The following ARID5B variants were observed in gnomAD, a reference collection of about 807,000 sequenced individuals.
ARID5B encodes the protein AT-rich interaction domain 5B.
A neutral mutation model predicts 97.2 loss-of-function variants in ARID5B; 13 were observed. That is an observed-to-expected ratio of 0.13 (90% confidence interval 0.09 to 0.21). The LOEUF (loss-of-function observed/expected upper bound fraction) is 0.21. ARID5B is among the 10% of genes least tolerant of loss of function. The pLI is 1.00. For synonymous variants in ARID5B, 556 were observed against 570.3 expected, an observed-to-expected ratio of 0.97 and a Z score of 0.36; for missense variants, 1,210 against 1,465.3, an observed-to-expected ratio of 0.83 and a Z score of 2.84.
intron 4 of ARID5B, among the ~76,000 whole-genome samples, chr10:62,027,418 C>T (rs1329257750): frequency 6.7e-6 from 1 of 148,426 alleles, no homozygotes; most frequent in Non-Finnish European, 1.5e-5. Flanking sequence ...AAGCGATTCT[C>T]CTGCCTCAGC....
chr10:61,944,858 A>G (rs576804304), intron 3 of ARID5B, among the ~76,000 whole-genome samples: 4 of 152,342 alleles, frequency 2.6e-5, no homozygotes, highest in Middle Eastern at 6.8e-3. Flanking sequence ...CTTTAGAAAA[A>G]GAAAGAAAAG....
intron 3 of ARID5B, among the ~76,000 whole-genome samples, chr10:61,971,043 AAG>A (rs1343616252): frequency 6.6e-6 from 1 of 151,934 alleles, no homozygotes; most frequent in Non-Finnish European, 1.5e-5. Flanking sequence ...AAAAGGGAAA[AAG>A]AGTAAAATAG....
chr10:61,987,025 A>G (rs776488067), intron 3 of ARID5B, among the ~76,000 whole-genome samples: 6 of 152,208 alleles, frequency 3.9e-5, no homozygotes, highest in Non-Finnish European at 8.8e-5. Context: ...AAGCAAGAGG[A>G]AGACATAGTG....
intron 8 of ARID5B, among the ~76,000 whole-genome samples, chr10:62,074,759 C>T (rs1181279195): frequency 6.6e-6 from 1 of 152,166 alleles, no homozygotes; most frequent in Admixed American, 6.5e-5. Flanking sequence ...AAGAGGACCC[C>T]TAGCAACTCC....
chr10:62,020,375 G>A (rs1483008993), intron 4 of ARID5B, among the ~76,000 whole-genome samples: 2 of 152,088 alleles, frequency 1.3e-5, no homozygotes, highest in Admixed American at 6.5e-5. Flanking sequence ...TCCCCCATCT[G>A]TGTTTAAAAG....
chr10:62,009,592 C>T (rs957302889), intron 4 of ARID5B, among the ~76,000 whole-genome samples: 12 of 152,212 alleles, frequency 7.9e-5, no homozygotes, highest in African/African-American at 2.9e-4. Context: ...CAAAGCAAAA[C>T]CCCACACACC....
rs1303280643 is a variant in ARID5B at position 62,093,558 on chromosome 10, CTG to C, written c.*530_*531del. ...AGAGAAGTAAACACTGTTAAATTGA[CTG>C]TATATATTTGCTTCTTAAAACTACC... On this transcript the variant is annotated 3_prime_UTR_variant, in exon 10 of 10. Transcript: ENST00000279873. 1 of 232,692 alleles carries C rather than the reference CTG, an allele frequency of 4.3e-6. No individual in the cohort carries two copies. Among genetic ancestry groups the C allele is most frequent in the East Asian group, 6.1e-5 (1 of 16,474 alleles). The allele number at this position is 232,692 out of a possible 1,614,324, so 14.4% of individuals were successfully genotyped here.
chr10:61,912,932 G>C (rs1843834881), intron 2 of ARID5B, among the ~76,000 whole-genome samples: 1 of 152,166 alleles, frequency 6.6e-6, no homozygotes, highest in Non-Finnish European at 1.5e-5. Flanking sequence ...CCATTATCTA[G>C]TTTGAGCTCA....
chr10:62,063,510 TAA>T (rs11343237), intron 7 of ARID5B, among the ~76,000 whole-genome samples: 7 of 141,684 alleles, frequency 4.9e-5, no homozygotes, highest in African/African-American at 7.7e-5. Flanking sequence ...CAAATTGAAT[TAA>T]AAAAAAAAAA....
At chr10:62,086,777 C>T (rs1273188081) in intron 9 of ARID5B, among the ~76,000 whole-genome samples, 1 of 150,614 alleles carries the variant, frequency 6.6e-6, no homozygotes, top group Non-Finnish European at 1.5e-5. Context: ...GGAGGATAAC[C>T]AGAGCCCTGG....
At chr10:61,940,456 A>G (rs779501774) in intron 3 of ARID5B, 48 bp downstream of exon 3, 1 of 1,509,218 alleles carries the variant, frequency 6.6e-7, no homozygotes, top group Non-Finnish European at 9.0e-7. Context: ...CGTATATAGT[A>G]ACTTTTCGGT....
At chr10:62,023,030 T>G (rs1043866393) in intron 4 of ARID5B, among the ~76,000 whole-genome samples, 1 of 152,222 alleles carries the variant, frequency 6.6e-6, no homozygotes, top group Non-Finnish European at 1.5e-5. Context: ...TTTGTCTCTT[T>G]GCCCTGCTTG....
chr10:62,001,916 T>G (rs886520399), intron 4 of ARID5B, among the ~76,000 whole-genome samples: 24 of 152,188 alleles, frequency 1.6e-4, no homozygotes. Flanking sequence ...ATGCAATACA[T>G]TTTTTTACAA....
intron 4 of ARID5B, among the ~76,000 whole-genome samples, chr10:62,022,703 A>G (rs1347336751): frequency 1.3e-5 from 2 of 152,220 alleles, no homozygotes; most frequent in African/African-American, 4.8e-5. Flanking sequence ...CTATCATTAG[A>G]GGGAGATCAT....
In ARID5B at chr10:62,093,006, C is replaced by T. The variant is rs1030766251; in HGVS notation, c.3543C>T (p.Ser1181=). The change falls in exon 10 of 10, where the codon TCC becomes TCT. Residue 1181 remains serine (S), a synonymous_variant. Transcript: ENST00000279873. ...CCTTTCCATCTTCCCAGCTGTCATC[C>T]GTGCACCCCAGTACAAAACTGTAGG... ...QAAFPSSQLS[S]VHPSTKL 1.2e-5 allele frequency: 19 copies of T among 1,610,636 alleles called. No homozygotes were observed. The highest frequency in any genetic ancestry group is 1.4e-5 in the Non-Finnish European group (16 of 1,179,182).
rs200771428 is a variant in ARID5B, at chr10:61,942,255, TA to T, written c.502+1856del. On this transcript the variant is annotated intron_variant, in intron 3 of 9. Transcript: ENST00000279873. ...ATAAAAGGTTGATCCTCTTGGATTC[TA>T]AAAAAAAAGAAGGTCCATATTCTAC... 9.5e-4 allele frequency among the ~76,000 whole-genome samples: 144 copies of T among 151,332 alleles called. No individual in the cohort carries two copies. The East Asian group carries it at 0.017, about 18-fold the overall frequency.
intron 3 of ARID5B, among the ~76,000 whole-genome samples, chr10:61,999,231 T>C (rs1839043171): frequency 6.6e-6 from 1 of 152,214 alleles, no homozygotes; most frequent in Non-Finnish European, 1.5e-5. Context: ...CCCATGGACA[T>C]CTTTGGGGCC....
chr10:61,934,534 T>C (rs1442812545), intron 2 of ARID5B, among the ~76,000 whole-genome samples: 1 of 152,198 alleles, frequency 6.6e-6, no homozygotes, highest in Non-Finnish European at 1.5e-5. Flanking sequence ...GAGGCCATTG[T>C]AGGGTTATTA....
intron 4 of ARID5B, among the ~76,000 whole-genome samples, chr10:62,021,667 G>A (rs1031263981): frequency 1.3e-5 from 2 of 152,300 alleles, no homozygotes; most frequent in South Asian, 2.1e-4. Context: ...TAATGTGGTC[G>A]TGTGACAATA....
Sources: allele counts gnomAD v4.1 joint callset (sites outside exome capture counted in the v4.1 genomes callset), GRCh38; gene constraint gnomAD v4.1.1; transcripts MANE v1.5; gene names NCBI Gene and HGNC (gene_info 2026-07-23, HGNC 2026-07-21).